RNF213: variants seen among roughly 807,000 people sequenced by gnomAD.
The protein encoded by RNF213 is ring finger protein 213, also known as E3 ubiquitin-protein ligase RNF213.
RNF213 carries 341 observed loss-of-function variants against 514.4 expected under a neutral mutation model. The ratio of observed to expected loss-of-function variants is 0.66; its 90% CI spans 0.61 to 0.73. RNF213 has a LOEUF of 0.73. RNF213 is among the 30% of genes least tolerant of loss of function. The probability of loss-of-function intolerance (pLI) is 0.00; values close to 1 mark genes in which losing one functional copy is unlikely to be tolerated. For missense variants in RNF213, 5,767 were observed against 6,615.6 expected, an observed-to-expected ratio of 0.87 and a Z score of 4.45; for synonymous variants, 2,655 against 2,658.2, an observed-to-expected ratio of 1.00 and a Z score of 0.04.
intron 11 of RNF213, among the ~76,000 whole-genome samples, chr17:80,302,919 G>A (rs1215827750): frequency 6.6e-6 from 1 of 151,986 alleles, no homozygotes; most frequent in African/African-American, 2.4e-5. Flanking sequence ...CTGAATACTG[G>A]GTTATTTAAT....
rs140822078 is a variant in RNF213, at chr17:80,285,808, T to C, written c.262-2007T>C. Among the ~76,000 whole-genome samples the C allele has an allele frequency of 4.6e-3, 695 of 152,088 alleles. 8 individuals carry two copies. Among genetic ancestry groups the C allele is most frequent in the African/African-American group, 0.016 (669 of 41,480 alleles). ...GCTTCAGCCTCCCAAGTAGCTGGGA[T>C]TGCAGGTGCCTGCCACCACGCCCAG... On this transcript the variant is annotated intron_variant, in intron 3 of 67. Coordinates refer to ENST00000582970, the MANE Select transcript of RNF213 (RefSeq NM_001256071.3).
At position 80,348,415 on chromosome 17, in the gene RNF213, C is replaced by T. The variant is rs1396012069; in HGVS notation, c.9951+129C>T. The T allele has an allele frequency of 7.6e-6, 10 of 1,314,870 alleles. No homozygotes were observed. In the African/African-American group the frequency reaches 1.3e-4, roughly 17 times the overall value. The allele number at this position is 1,314,870 out of a possible 1,614,324, so 81.5% of individuals were successfully genotyped here. ...TGCAGGGAGATGCTGAGACGCTGAG[C>T]TCTCCTCCGCGGTAAGTGTGGGGAG... On this transcript the variant is annotated intron_variant, in intron 29 of 67. Transcript: ENST00000582970.
At chr17:80,338,266 T>C (rs2078046722) in intron 25 of RNF213, among the ~76,000 whole-genome samples, 1 of 152,170 alleles carries the variant, frequency 6.6e-6, no homozygotes, top group Non-Finnish European at 1.5e-5. Context: ...GCTGGCAGCC[T>C]GTCCACCGCA....
intron 3 of RNF213, among the ~76,000 whole-genome samples, chr17:80,281,942 C>T (rs1220666375): frequency 1.3e-5 from 2 of 152,012 alleles, no homozygotes; most frequent in Non-Finnish European, 2.9e-5. Context: ...CTGCAACCTC[C>T]GCCTCCTGGG....
At chr17:80,318,749 A>AT (rs754466330) in intron 16 of RNF213, among the ~76,000 whole-genome samples, 59 of 151,328 alleles carry the variant, frequency 3.9e-4, no homozygotes, top group Admixed American at 1.4e-3. Flanking sequence ...ATATTTTTGT[A>AT]TTTTTTGTAG....
At chr17:80,354,848 A>C in intron 36 of RNF213, 1 of 497,116 alleles carries the variant, frequency 2.0e-6, no homozygotes, top group Non-Finnish European at 3.7e-6. Flanking sequence ...TTCTTAGAGT[A>C]GAACATTTAC....
chr17:80,387,624 G>C (rs62077770), intron 63 of RNF213, among the ~76,000 whole-genome samples: 10,979 of 152,252 alleles, frequency 0.072, 469 homozygotes, highest in Non-Finnish European at 0.099. Context: ...TTCAGTCCAC[G>C]GCCTAAAACC....
At position 80,326,806 on chromosome 17, in the gene RNF213, G is replaced by T. The variant is rs112496479; in HGVS notation, c.3194-1010G>T. 9.2e-5 allele frequency among the ~76,000 whole-genome samples: 14 copies of T among 152,298 alleles called. 1 individual carries two copies. Among genetic ancestry groups the T allele is most frequent in the Middle Eastern group, 3.4e-3 (1 of 294 alleles). ...CCATTCGCTTACCCGTTCACCTCAT[G>T]AAAGACATCTTGGTTGCTTCCAAGT... On this transcript the variant is annotated intron_variant, in intron 18 of 67. Coordinates refer to ENST00000582970, the MANE Select transcript of RNF213 (RefSeq NM_001256071.3).
intron 21 of RNF213, 78 bp from the exon 22 acceptor site, chr17:80,334,027 A>G: frequency 6.6e-7 from 1 of 1,507,914 alleles, no homozygotes; most frequent in Admixed American, 2.0e-5. Flanking sequence ...GGCTGCTGGG[A>G]CGGTCAGTGC....
At chr17:80,359,318 G>A (rs1456515987) in intron 37 of RNF213, among the ~76,000 whole-genome samples, 1 of 151,916 alleles carries the variant, frequency 6.6e-6, no homozygotes, top group African/African-American at 2.4e-5. Flanking sequence ...TTGAACCCAG[G>A]GGTTGAAGAC....
chr17:80,289,871 C>T, intron 6 of RNF213, 34 bp downstream of exon 6: 1 of 1,582,838 alleles, frequency 6.3e-7, no homozygotes, highest in Non-Finnish European at 8.6e-7. Flanking sequence ...CAAAGGAGAC[C>T]CTGCCTGAGA....
intron 13 of RNF213, 117 bp from the exon 14 acceptor site, chr17:80,308,901 T>C (rs747975259): frequency 7.8e-7 from 1 of 1,275,944 alleles, no homozygotes. Flanking sequence ...CTAGATAAGG[T>C]CAAACAAATG....
At chr17:80,285,020 CAG>C (rs2143158585) in intron 3 of RNF213, among the ~76,000 whole-genome samples, 1 of 152,316 alleles carries the variant, frequency 6.6e-6, no homozygotes, top group East Asian at 1.9e-4. Flanking sequence ...CAGCCGATAA[CAG>C]GGAGAGCCAA....
intron 12 of RNF213, 118 bp downstream of exon 12, chr17:80,306,586 C>G: frequency 3.8e-6 from 4 of 1,043,018 alleles, no homozygotes; most frequent in Non-Finnish European, 5.7e-6. Flanking sequence ...GGTGCGGTGG[C>G]TCACGCCTGA....
chr17:80,287,502 A>C (rs1262880645), intron 3 of RNF213, among the ~76,000 whole-genome samples: 2 of 152,140 alleles, frequency 1.3e-5, no homozygotes, highest in Non-Finnish European at 2.9e-5. Flanking sequence ...ACCTTGTCTC[A>C]AATAAATAAA....
intron 11 of RNF213, among the ~76,000 whole-genome samples, chr17:80,303,824 C>A (rs1485070237): frequency 6.6e-6 from 1 of 151,650 alleles, no homozygotes; most frequent in Non-Finnish European, 1.5e-5. Flanking sequence ...CCCGCCTCAG[C>A]CTTCCAAAGT....
At chr17:80,369,945 C>G in intron 46 of RNF213, 78 bp downstream of exon 46, 2 of 966,124 alleles carry the variant, frequency 2.1e-6, no homozygotes, top group Admixed American at 1.7e-5. Flanking sequence ...ACCAAGTCTT[C>G]TTGTCGTGAC....
In RNF213 at chr17:80,264,081, A is replaced by G. The variant is rs1265647777; in HGVS notation, c.97+303A>G. ...CCGAGTGGGAGGAGAGGGCAGGGCC[A>G]GGGCAGGGAGAGGACAAAACAAGAA... On this transcript the variant is annotated intron_variant, in intron 2 of 67. Transcript: ENST00000582970. This position sits in a 1 kb window ranked among gnomAD's most constrained non-coding sequence, Gnocchi z 5.0. Among the ~76,000 whole-genome samples the G allele has an allele frequency of 6.6e-6, 1 of 152,200 alleles. No individual in the cohort carries two copies. The highest frequency in any genetic ancestry group is 1.5e-5 in the Non-Finnish European group (1 of 68,018).
At chr17:80,388,486 G>A in intron 63 of RNF213, 126 bp from the exon 64 acceptor site, 5 of 757,830 alleles carry the variant, frequency 6.6e-6, no homozygotes, top group South Asian at 4.2e-5. Context: ...GGCGCTCTTA[G>A]CCAAGGGATA....
Sources: gnomAD v4.1 joint callset for allele counts (sites outside exome capture counted in the v4.1 genomes callset) on GRCh38, gnomAD v4.1.1 for gene constraint, Gnocchi (gnomAD v3.1) non-coding constraint, MANE v1.5 for transcripts, NCBI Gene and HGNC (gene_info 2026-07-23, HGNC 2026-07-21) for gene names.